Variants in SMARCA2 observed in about 807,000 individuals in gnomAD.
SMARCA2 encodes the protein SWI/SNF related BAF chromatin remodeling complex subunit ATPase 2, also known as SWI/SNF-related matrix-associated actin-dependent regulator of chromatin subfamily A member 2.
SMARCA2 carries 61 observed loss-of-function variants against 199.8 expected under a neutral mutation model. The observed-to-expected ratio is 0.31, with a 90% CI of 0.25 to 0.38. The LOEUF (loss-of-function observed/expected upper bound fraction) is 0.38, where lower values mean the gene tolerates loss of function less well. SMARCA2 is among the 10% of genes least tolerant of loss of function. The pLI, the probability that SMARCA2 is intolerant of heterozygous loss-of-function variation, is 1.00. For synonymous variants in SMARCA2, 935 were observed against 732.0 expected, an observed-to-expected ratio of 1.28 and a Z score of -4.48; for missense variants, 1,344 against 2,012.2, an observed-to-expected ratio of 0.67 and a Z score of 6.35.
chr9:2,192,993 T>G lies in SMARCA2; in HGVS notation c.*254T>G, dbSNP rs1423320527. 6.5e-6 allele frequency: 3 copies of G among 462,096 alleles called. No homozygotes were observed. The East Asian group carries it at 1.1e-4, about 17-fold the overall frequency. 28.6% of individuals were successfully genotyped at this position (462,096 alleles called of 1,614,324 possible). On this transcript the variant is annotated 3_prime_UTR_variant, in exon 34 of 34. Transcript: ENST00000349721. ...ATTGAAACAAACAAAAAGCTTTTGA[T>G]GGAAAATATGTGGGTGGATAGTATA...
Position 2,097,444 on chromosome 9 carries a change from C to T in SMARCA2, c.3051C>T (p.Asn1017=), listed in dbSNP as rs746994208. Residue 1017 remains asparagine (N), a synonymous_variant, in exon 21 of 34, where the codon AAC becomes AAT. Coordinates refer to ENST00000349721, the MANE Select transcript of SMARCA2 (RefSeq NM_003070.5). Reference sequence around the variant, plus strand: ...TTATGCAGTTGAGAAAAATCTGCAACCACCCATATATGTTTCAGCACATTG... The same window carrying T: ...TTATGCAGTTGAGAAAAATCTGCAATCACCCATATATGTTTCAGCACATTG... ...NTIMQLRKIC[N]HPYMFQHIEE... 14 of 1,610,944 alleles carry T rather than the reference C, an allele frequency of 8.7e-6. No homozygotes were observed. The highest frequency in any genetic ancestry group is 3.4e-6 in the Non-Finnish European group (4 of 1,177,554).
At chr9:2,154,944 T>C (rs1825271675) in intron 27 of SMARCA2, among the ~76,000 whole-genome samples, 1 of 152,180 alleles carries the variant, frequency 6.6e-6, no homozygotes, top group Admixed American at 6.5e-5. Context: ...AGTAACTTGA[T>C]TGATGATCTC....
intron 11 of SMARCA2, 55 bp downstream of exon 11, chr9:2,073,397 A>G: frequency 6.2e-7 from 1 of 1,602,216 alleles, no homozygotes; most frequent in Admixed American, 1.7e-5. Flanking sequence ...GATTTTGGTA[A>G]TCTTGTACGA....
intron 31 of SMARCA2, among the ~76,000 whole-genome samples, chr9:2,184,352 T>TA (rs1827274124): frequency 1.2e-5 from 1 of 82,946 alleles, no homozygotes; most frequent in African/African-American, 5.8e-5. Context: ...TAGGATAATA[T>TA]CTTTTTTTTT....
chr9:2,112,349 C>CT (rs1823042633), intron 24 of SMARCA2, among the ~76,000 whole-genome samples: 1 of 152,120 alleles, frequency 6.6e-6, no homozygotes, highest in Non-Finnish European at 1.5e-5. Flanking sequence ...TCCACTGACT[C>CT]TTAGATGTTT....
intron 14 of SMARCA2, 101 bp from the exon 15 acceptor site, chr9:2,081,731 C>G (rs1821575221): frequency 1.0e-6 from 1 of 983,176 alleles, no homozygotes; most frequent in Admixed American, 2.1e-5. Flanking sequence ...ACCCAACATA[C>G]AGCAGTGAGG....
At chr9:2,042,152 C>G (rs1403954801) in intron 4 of SMARCA2, 1 of 152,212 alleles carries the variant, frequency 6.6e-6, no homozygotes, top group Non-Finnish European at 1.5e-5. Flanking sequence ...CCTTTTCCCT[C>G]TTACTCTGAG....
intron 27 of SMARCA2, among the ~76,000 whole-genome samples, chr9:2,141,234 G>A (rs1334375103): frequency 6.6e-6 from 1 of 152,106 alleles, no homozygotes; most frequent in Non-Finnish European, 1.5e-5. Flanking sequence ...GCCAGTGCTA[G>A]ACTGGAAGCT....
At chr9:2,136,686 G>C (rs1340360253) in intron 27 of SMARCA2, among the ~76,000 whole-genome samples, 1 of 152,106 alleles carries the variant, frequency 6.6e-6, no homozygotes, top group Non-Finnish European at 1.5e-5. Context: ...TTAGGAGCCA[G>C]GTTTGAGAGA....
At chr9:2,145,793 T>C (rs1049183648) in intron 27 of SMARCA2, among the ~76,000 whole-genome samples, 10 of 152,132 alleles carry the variant, frequency 6.6e-5, no homozygotes, top group African/African-American at 2.2e-4. Context: ...CTATGTACTC[T>C]AGGGGAATTG....
intron 13 of SMARCA2, among the ~76,000 whole-genome samples, chr9:2,076,709 A>G (rs974175486): frequency 1.3e-5 from 2 of 151,884 alleles, no homozygotes; most frequent in East Asian, 1.9e-4. Context: ...TGCCTCCCTT[A>G]ATGATATCAG....
At chr9:2,081,463 T>C (rs1350418582) in intron 14 of SMARCA2, among the ~76,000 whole-genome samples, 2 of 152,238 alleles carry the variant, frequency 1.3e-5, no homozygotes, top group Non-Finnish European at 2.9e-5. Context: ...CTGTGATCTG[T>C]GTGCCAAATC....
At chr9:2,107,433 C>A (rs1822806116) in intron 23 of SMARCA2, among the ~76,000 whole-genome samples, 1 of 152,126 alleles carries the variant, frequency 6.6e-6, no homozygotes. Flanking sequence ...TTCTTGTGCC[C>A]CACCCTCCCA....
In SMARCA2 at chr9:2,161,618, T is replaced by C; in HGVS notation, c.3982-68T>C. 22 of 1,048,006 alleles carry C rather than the reference T, an allele frequency of 2.1e-5. No individual in the cohort carries two copies. The highest frequency in any genetic ancestry group is 3.0e-5 in the Non-Finnish European group (21 of 691,226). 64.9% of individuals were successfully genotyped at this position (1,048,006 alleles called of 1,614,324 possible). A position where few individuals can be genotyped will look rare whatever the true frequency, so the allele number is the denominator to read the frequency against. ...TAATTGTTGGAGCTATATATAAATA[T>C]ACACATACTTTTTTTGTCTTGGTTA... On this transcript the variant is annotated intron_variant, in intron 27 of 33. Transcript: ENST00000349721. This position sits in a 1 kb window ranked among gnomAD's most constrained non-coding sequence, Gnocchi z 4.7.
chr9:2,187,164 T>G (rs1233771638), intron 32 of SMARCA2, among the ~76,000 whole-genome samples: 1 of 152,188 alleles, frequency 6.6e-6, no homozygotes, highest in Non-Finnish European at 1.5e-5. Flanking sequence ...GTACTGTCTT[T>G]ATTTAAAATG....
rs1251496821 is a variant in SMARCA2, at chr9:2,110,993, T to C, written c.3456+576T>C. 2.0e-5 allele frequency among the ~76,000 whole-genome samples: 3 copies of C among 152,178 alleles called. No individual in the cohort carries two copies. The highest frequency in any genetic ancestry group is 7.2e-5 in the African/African-American group (3 of 41,432). On this transcript the variant is annotated intron_variant, in intron 24 of 33. Transcript: ENST00000349721. This position sits in a 1 kb window ranked among gnomAD's most constrained non-coding sequence, Gnocchi z 4.8. ...ATGAGCATTTATTGTTGTAAAGCTC[T>C]TTTAGCCAGGTAAGTTCAGGGCTAT... is the stretch of plus-strand genomic sequence containing the variant.
At chr9:2,111,358 A>C (rs35141481) in intron 24 of SMARCA2, among the ~76,000 whole-genome samples, 25,942 of 151,514 alleles carry the variant, frequency 0.17, 2,703 homozygotes, top group African/African-American at 0.3. Context: ...GCACAGTGGC[A>C]CTTATACCTG....
In SMARCA2 at chr9:2,056,881, G is replaced by C; in HGVS notation, c.1347+36G>C. The C allele has an allele frequency of 6.3e-7, 1 of 1,593,116 alleles. No homozygotes were observed. On this transcript the variant is annotated intron_variant, in intron 7 of 33. Transcript: ENST00000349721. The surrounding 1 kb of genome is among the most constrained non-coding windows in gnomAD (Gnocchi z 4.0). Reference sequence around the variant, plus strand: ...CCTGGGCTTTGCTCACCCTCACTTTGGCAGAGCTGTCCAATGAATTCATCA... The same window carrying C: ...CCTGGGCTTTGCTCACCCTCACTTTCGCAGAGCTGTCCAATGAATTCATCA...
chr9:2,141,492 A>G (rs545253536), intron 27 of SMARCA2, among the ~76,000 whole-genome samples: 1 of 152,136 alleles, frequency 6.6e-6, no homozygotes, highest in African/African-American at 2.4e-5. Flanking sequence ...CACCAATGGC[A>G]TCCTATAAAT....
Sources: gnomAD v4.1 joint callset for allele counts (sites outside exome capture counted in the v4.1 genomes callset) on GRCh38, gnomAD v4.1.1 for gene constraint, Gnocchi (gnomAD v3.1) non-coding constraint, MANE v1.5 for transcripts, NCBI Gene and HGNC (gene_info 2026-07-23, HGNC 2026-07-21) for gene names.